EDNRB: variants seen among roughly 807,000 people sequenced by gnomAD.
The protein encoded by EDNRB is Hirschsprung disease 2.
Under a neutral mutation model 46.4 loss-of-function variants are expected in EDNRB, and 18 were observed. The ratio of observed to expected loss-of-function variants is 0.39; its 90% CI spans 0.27 to 0.57. The LOEUF is 0.57. EDNRB is among the 20% of genes least tolerant of loss of function. EDNRB has a pLI of 0.61. For missense variants in EDNRB, 434 were observed against 537.5 expected (o/e 0.81, Z 1.90); for synonymous variants, 213 against 204.9 (o/e 1.04, Z -0.34).
Position 77,897,661 on chromosome 13 carries a change from G to A in EDNRB, c.*539C>T, listed in dbSNP as rs200349419. 28 of 986,214 alleles carry A rather than the reference G, an allele frequency of 2.8e-5. No individual in the cohort carries two copies. The highest frequency in any genetic ancestry group is 3.5e-5 in the African/African-American group (2 of 57,120). The allele number at this position is 986,214 out of a possible 1,614,324, so 61.1% of individuals were successfully genotyped here. On this transcript the variant is annotated 3_prime_UTR_variant, in exon 7 of 7. Transcript: ENST00000646607. Reference sequence around the variant, plus strand: ...GATCATTTAAATGTTTCCAGTGTCCGAAAAATGCAACAACTAAACTGCTCT... The same window carrying A: ...GATCATTTAAATGTTTCCAGTGTCCAAAAAATGCAACAACTAAACTGCTCT...
At chr13:77,904,532 T>C (rs1251259673) in intron 1 of EDNRB, among the ~76,000 whole-genome samples, 1 of 151,950 alleles carries the variant, frequency 6.6e-6, no homozygotes, top group East Asian at 1.9e-4. Flanking sequence ...AATATAACAG[T>C]GACTGGCTGT....
At chr13:77,957,513 A>G (rs1258670176) in intron 1 of EDNRB, among the ~76,000 whole-genome samples, 1 of 152,230 alleles carries the variant, frequency 6.6e-6, no homozygotes, top group Non-Finnish European at 1.5e-5. Context: ...AAGCAAAAGC[A>G]TCACTTAAGC....
At chr13:77,930,583 G>A (rs1356757896) in intron 1 of EDNRB, among the ~76,000 whole-genome samples, 1 of 152,144 alleles carries the variant, frequency 6.6e-6, no homozygotes, top group Admixed American at 6.5e-5. Context: ...TGGAGAGATG[G>A]TTTCAGGTAG....
At chr13:77,939,028 A>T (rs1880655701) in intron 1 of EDNRB, 1 of 152,446 alleles carries the variant, frequency 6.6e-6, no homozygotes, top group South Asian at 2.1e-4. Context: ...TGTGTGAGCA[A>T]TAAAGCTTTT....
chr13:77,964,361 A>G (rs1881517696), intron 1 of EDNRB, among the ~76,000 whole-genome samples: 1 of 152,252 alleles, frequency 6.6e-6, no homozygotes, highest in Non-Finnish European at 1.5e-5. Context: ...CAGAATATCA[A>G]ACACTTGGAA....
intron 1 of EDNRB, among the ~76,000 whole-genome samples, chr13:77,974,055 T>C (rs1304094594): frequency 1.3e-5 from 2 of 152,158 alleles, no homozygotes. Context: ...GTTACACTGT[T>C]AACTTTTAGC....
upstream of EDNRB, chr13:77,918,948 C>A (rs1594374412): frequency 1.3e-5 from 15 of 1,136,390 alleles, no homozygotes; most frequent in East Asian, 5.7e-4. This position sits in a 1 kb window ranked among gnomAD's most constrained non-coding sequence, Gnocchi z 4.5. Flanking sequence ...TTTCACGTAA[C>A]GGGAGGAATA....
upstream of EDNRB, among the ~76,000 whole-genome samples, chr13:77,921,255 TA>T (rs140199525): frequency 2.6e-3 from 398 of 152,302 alleles, 5 homozygotes; most frequent in African/African-American, 9.3e-3. Flanking sequence ...TATTTTAAAG[TA>T]TTCAGTTATA....
At chr13:77,907,300 G>A (rs1392874763) in intron 1 of EDNRB, among the ~76,000 whole-genome samples, 1 of 151,950 alleles carries the variant, frequency 6.6e-6, no homozygotes. Flanking sequence ...ACAAAAGGCA[G>A]AGGCAGAAGG....
In EDNRB at chr13:77,900,551, T is replaced by C. The variant is rs1397373759; in HGVS notation, c.1055A>G (p.Gln352Arg). 6 of 1,612,488 alleles carry C rather than the reference T, an allele frequency of 3.7e-6. No homozygotes were observed. In the Admixed American group the frequency reaches 5.0e-5, roughly 13 times the overall value. ...SRILKLTLYN[Q>R]NDPNRCELLS... ...AAGTTCACATCTATTGGGATCATTC[T>C]GATTATAAAGAGTGAGCTTCAGAAT... Residue 352 changes from glutamine (Q) to arginine (R), a missense_variant, in exon 5 of 7, where the codon CAG (glutamine) becomes CGG (arginine). By Grantham distance (43) the Gln-to-Arg change is conservative (BLOSUM62 1). Transcript: ENST00000646607.
In EDNRB at chr13:77,900,618, G is replaced by A; in HGVS notation, c.988C>T (p.Leu330Phe). ...GGAAGCCAGCAGAGGGCAAAGACAA[G>A]GACCAGGCAAAAGACGGTTTTGGCC... ...EVAKTVFCLV[L>F]VFALCWLPLH... Residue 330 changes from leucine to phenylalanine, a missense_variant, in exon 5 of 7, where the codon CTT becomes TTT. Leu to Phe is a conservative substitution (Grantham distance 22, BLOSUM62 0). Coordinates refer to ENST00000646607, the MANE Select transcript of EDNRB (RefSeq NM_001122659.3). 3 of 1,612,458 alleles carry A rather than the reference G, an allele frequency of 1.9e-6. No individual in the cohort carries two copies. The highest frequency in any genetic ancestry group is 2.2e-5 in the East Asian group (1 of 44,792).
At chr13:77,957,619 A>G (rs1881277901) in intron 1 of EDNRB, among the ~76,000 whole-genome samples, 1 of 152,242 alleles carries the variant, frequency 6.6e-6, no homozygotes, top group Admixed American at 6.5e-5. Context: ...AATGCTTACA[A>G]GGTTGTCAGA....
At chr13:77,921,993 A>G (rs1328159500), upstream of EDNRB, among the ~76,000 whole-genome samples, 1 of 152,152 alleles carries the variant, frequency 6.6e-6, no homozygotes, top group Non-Finnish European at 1.5e-5. Context: ...TTATCGATAA[A>G]TTTTATTTAT....
rs1347740196 is a variant in EDNRB at position 77,903,170 on chromosome 13, T to C, written c.787A>G (p.Thr263Ala). ...GTGAAATTTACCTGCATGAAAGCTG[T>C]CTTCTGAACGGGATGAAGCAAGCAG... ...RICLLHPVQK[T>A]AFMQFYKTAK... Residue 263 changes from threonine to alanine, a missense_variant, in exon 3 of 7, where the codon ACA becomes GCA. By Grantham distance (58) the Thr-to-Ala change is moderately conservative (BLOSUM62 0). Coordinates refer to ENST00000646607, the MANE Select transcript of EDNRB (RefSeq NM_001122659.3). The C allele has an allele frequency of 6.2e-7, 1 of 1,612,684 alleles. No homozygotes were observed. The highest frequency in any genetic ancestry group is 1.3e-5 in the African/African-American group (1 of 74,800).
At chr13:77,951,630 C>T (rs187458105) in intron 1 of EDNRB, among the ~76,000 whole-genome samples, 10 of 152,220 alleles carry the variant, frequency 6.6e-5, no homozygotes, top group Admixed American at 2.0e-4. Context: ...CTGATGAATA[C>T]GAACAGCATA....
At chr13:77,956,523 CA>C in intron 1 of EDNRB, among the ~76,000 whole-genome samples, 1 of 152,202 alleles carries the variant, frequency 6.6e-6, no homozygotes, top group East Asian at 1.9e-4. Context: ...TTTGGAGTTC[CA>C]AAACTTTACG....
chr13:77,972,456 G>A (rs569269992), intron 1 of EDNRB, among the ~76,000 whole-genome samples: 4 of 152,276 alleles, frequency 2.6e-5, no homozygotes, highest in African/African-American at 9.6e-5. Context: ...ACCAGTCGGG[G>A]CAGTTCATCC....
intron 1 of EDNRB, among the ~76,000 whole-genome samples, chr13:77,933,083 CT>C (rs1880448919): frequency 6.6e-6 from 1 of 152,132 alleles, no homozygotes; most frequent in Non-Finnish European, 1.5e-5. Context: ...TGCAAATATC[CT>C]TTTTAGGAAA....
chr13:77,918,548 C>A lies in EDNRB; in HGVS notation c.26G>T (p.Gly9Val), dbSNP rs1879939500. ...AAGAACCAGCGCAACCAGGGCGCGT[C>A]CGCACAGACTTGGAGGCGGCTGCAT... MQPPPSLC[G>V]RALVALVLAC... The change falls in exon 1 of 7, where the codon GGA becomes GTA. Residue 9 changes from glycine (G) to valine (V), a missense_variant. Gly to Val is a moderately radical substitution (Grantham distance 109). Transcript: ENST00000646607. The surrounding 1 kb of genome is among the most constrained non-coding windows in gnomAD (Gnocchi z 4.5). 6.3e-7 allele frequency: 1 copy of A among 1,597,844 alleles called. No individual in the cohort carries two copies. The highest frequency in any genetic ancestry group is 1.1e-5 in the South Asian group (1 of 88,164).
Sources: gnomAD v4.1 joint callset for allele counts (sites outside exome capture counted in the v4.1 genomes callset) on GRCh38, gnomAD v4.1.1 for gene constraint, Gnocchi (gnomAD v3.1) non-coding constraint, MANE v1.5 for transcripts, NCBI Gene and HGNC (gene_info 2026-07-23, HGNC 2026-07-21) for gene names.